Variants in RIT2 observed in about 807,000 individuals in gnomAD.
The protein encoded by RIT2 is GTP-binding protein Rit2.
In RIT2, 24 loss-of-function variants were observed where a neutral mutation model predicts 23.7. That is an observed-to-expected ratio of 1.01 (90% CI 0.73 to 1.43). RIT2 has a LOEUF of 1.43. Ranked by LOEUF, RIT2 falls within the 40% of genes most tolerant of loss-of-function variation. The pLI, the probability that RIT2 is intolerant of heterozygous loss-of-function variation, is 0.00. For missense variants in RIT2, 236 were observed against 266.9 expected, an observed-to-expected ratio of 0.88 and a Z score of 0.81; for synonymous variants, 107 against 91.1, an observed-to-expected ratio of 1.17 and a Z score of -0.99.
chr18:43,000,562 C>T, intron 2 of RIT2, among the ~76,000 whole-genome samples: 1 of 151,904 alleles, frequency 6.6e-6, no homozygotes, highest in East Asian at 1.9e-4. Flanking sequence ...GCTCTGTGTC[C>T]TCGCCCAAAT....
At chr18:42,940,007 A>G (rs904602679) in intron 3 of RIT2, among the ~76,000 whole-genome samples, 1 of 151,868 alleles carries the variant, frequency 6.6e-6, no homozygotes, top group African/African-American at 2.4e-5. Flanking sequence ...GTTAAATCAT[A>G]TAGATTAACA....
chr18:42,923,439 T>C (rs1485569371), intron 4 of RIT2, 133 bp downstream of exon 4: 3 of 790,488 alleles, frequency 3.8e-6, no homozygotes, highest in Admixed American at 2.3e-5. Context: ...GGGACCACCA[T>C]GACTTATTAG....
At chr18:42,757,612 A>G (rs546713928) in intron 4 of RIT2, among the ~76,000 whole-genome samples, 2 of 152,348 alleles carry the variant, frequency 1.3e-5, no homozygotes, top group African/African-American at 2.4e-5. Flanking sequence ...ACACGGAGAC[A>G]GGCATTTTTT....
chr18:43,033,761 A>T, intron 2 of RIT2, 50 bp downstream of exon 2: 2 of 1,251,676 alleles, frequency 1.6e-6, no homozygotes, highest in Non-Finnish European at 2.3e-6. Flanking sequence ...CAAGCCACTT[A>T]GTCACAGTGT....
intron 4 of RIT2, among the ~76,000 whole-genome samples, chr18:42,874,793 A>G (rs1907703532): frequency 6.6e-6 from 1 of 152,010 alleles, no homozygotes; most frequent in Non-Finnish European, 1.5e-5. Flanking sequence ...CTGAAGATCT[A>G]GTGATGTAAT....
chr18:43,096,827 A>G (rs964807231), intron 1 of RIT2, among the ~76,000 whole-genome samples: 2 of 151,870 alleles, frequency 1.3e-5, no homozygotes, highest in African/African-American at 4.8e-5. Context: ...AAATTACTCA[A>G]CATGATTGAT....
intron 1 of RIT2, among the ~76,000 whole-genome samples, chr18:43,039,966 A>C (rs1008791455): frequency 3.9e-5 from 6 of 152,212 alleles, no homozygotes; most frequent in Non-Finnish European, 8.8e-5. Flanking sequence ...TCTATGCATC[A>C]GATTATTTCA....
chr18:42,853,097 G>A (rs191658105), intron 4 of RIT2, among the ~76,000 whole-genome samples: 2 of 152,270 alleles, frequency 1.3e-5, no homozygotes, highest in Non-Finnish European at 2.9e-5. Flanking sequence ...GCCTCCCAAA[G>A]TGCTGGGATT....
chr18:43,014,879 T>C (rs563977762), intron 2 of RIT2, among the ~76,000 whole-genome samples: 2 of 151,846 alleles, frequency 1.3e-5, no homozygotes, highest in African/African-American at 2.4e-5. Context: ...ATCTGTATAA[T>C]ATAGCCATGT....
intron 4 of RIT2, among the ~76,000 whole-genome samples, chr18:42,881,829 T>TTATTCATG (rs370924795): frequency 1.7e-3 from 259 of 152,338 alleles, no homozygotes; most frequent in African/African-American, 5.9e-3. Flanking sequence ...GAATTATATC[T>TTATTCATG]TATTCATGTC....
At chr18:42,823,737 C>T (rs1906217898) in intron 4 of RIT2, among the ~76,000 whole-genome samples, 1 of 152,074 alleles carries the variant, frequency 6.6e-6, no homozygotes, top group African/African-American at 2.4e-5. Context: ...TTTATATTCA[C>T]CATTCTATTT....
chr18:42,963,837 A>G (rs1049963260), intron 3 of RIT2, among the ~76,000 whole-genome samples: 5 of 152,178 alleles, frequency 3.3e-5, no homozygotes, highest in African/African-American at 1.2e-4. Context: ...TGGAGGTTGC[A>G]GTGAGCTGAT....
chr18:42,763,424 T>G (rs1913348841), intron 4 of RIT2, among the ~76,000 whole-genome samples: 2 of 149,604 alleles, frequency 1.3e-5, no homozygotes, highest in Admixed American at 1.3e-4. Flanking sequence ...ATTGCACCTT[T>G]GCACTCCAGC....
At chr18:42,759,695 T>A (rs1348971761) in intron 4 of RIT2, among the ~76,000 whole-genome samples, 1 of 148,078 alleles carries the variant, frequency 6.8e-6, no homozygotes, top group Non-Finnish European at 1.5e-5. Context: ...GAGCTGGGGC[T>A]CTCACTGTGT....
At chr18:43,040,081 C>T (rs1912091771) in intron 1 of RIT2, among the ~76,000 whole-genome samples, 1 of 152,198 alleles carries the variant, frequency 6.6e-6, no homozygotes, top group Non-Finnish European at 1.5e-5. Context: ...CAAGAAAAAT[C>T]ATGCTGTCCG....
chr18:42,990,841 G>A (rs1364211497), intron 2 of RIT2, among the ~76,000 whole-genome samples: 1 of 151,680 alleles, frequency 6.6e-6, no homozygotes, highest in Admixed American at 6.6e-5. Context: ...AGACCCAATA[G>A]GAGGGGGTTG....
At chr18:42,943,506 A>G (rs965889669) in intron 3 of RIT2, among the ~76,000 whole-genome samples, 1 of 152,112 alleles carries the variant, frequency 6.6e-6, no homozygotes, top group Non-Finnish European at 1.5e-5. Context: ...TTATCCCACC[A>G]TGACTATGAC....
chr18:42,993,119 T>C (rs1354387541), intron 2 of RIT2, among the ~76,000 whole-genome samples: 5 of 152,128 alleles, frequency 3.3e-5, no homozygotes, highest in Admixed American at 3.3e-4. Context: ...CAGGTGTTCC[T>C]CCAGAACCTC....
chr18:42,783,239 G>C (rs905202362), intron 4 of RIT2, among the ~76,000 whole-genome samples: 1 of 152,000 alleles, frequency 6.6e-6, no homozygotes, highest in Admixed American at 6.6e-5. Flanking sequence ...GGACTGGAGT[G>C]GCTACAGAAA....
Sources: allele counts gnomAD v4.1 joint callset (sites outside exome capture counted in the v4.1 genomes callset), GRCh38; gene constraint gnomAD v4.1.1; transcripts MANE v1.5; gene names NCBI Gene and HGNC (gene_info 2026-07-23, HGNC 2026-07-21).